The following PHF21A variants were observed in gnomAD, a reference collection of about 807,000 sequenced individuals.
PHF21A encodes PHD finger protein 21A.
A neutral mutation model predicts 82.5 loss-of-function variants in PHF21A; 11 were observed. The observed-to-expected ratio is 0.13, with a 90% CI of 0.08 to 0.22. The LOEUF (loss-of-function observed/expected upper bound fraction) is 0.22. Ranked by LOEUF, PHF21A falls within the 10% of genes least tolerant of loss-of-function variation. PHF21A has a pLI of 1.00. For synonymous variants in PHF21A, 297 were observed against 302.8 expected (o/e 0.98, Z 0.20); for missense variants, 579 against 837.8 (o/e 0.69, Z 3.81).
intron 3 of PHF21A, among the ~76,000 whole-genome samples, chr11:46,088,582 C>G (rs530898418): frequency 6.6e-6 from 1 of 152,344 alleles, no homozygotes; most frequent in East Asian, 1.9e-4. Context: ...TGTGACTACT[C>G]TCATCCCCAG....
intron 7 of PHF21A, among the ~76,000 whole-genome samples, chr11:45,979,161 C>T (rs1018514494): frequency 3.9e-5 from 6 of 152,052 alleles, no homozygotes; most frequent in Admixed American, 2.6e-4. Context: ...GGATTACAGG[C>T]GCCTGCTACC....
intron 15 of PHF21A, among the ~76,000 whole-genome samples, chr11:45,944,314 A>G (rs548522089): frequency 3.3e-5 from 5 of 152,362 alleles, no homozygotes; most frequent in African/African-American, 1.2e-4. Context: ...TTCCCCTAAA[A>G]TAAGTGTGTA....
chr11:46,089,585 G>A (rs374384809), intron 3 of PHF21A, among the ~76,000 whole-genome samples: 4 of 151,816 alleles, frequency 2.6e-5, no homozygotes, highest in South Asian at 2.1e-4. Context: ...TTTTCGAGGC[G>A]AACCCTCTGA....
intron 8 of PHF21A, 180 bp downstream of exon 8, chr11:45,970,936 A>G: frequency 1.4e-6 from 1 of 696,390 alleles, no homozygotes; most frequent in East Asian, 2.8e-5. Context: ...ACGCTTCTGT[A>G]GTGATTTGAG....
intron 15 of PHF21A, among the ~76,000 whole-genome samples, chr11:45,941,490 T>G (rs1240003187): frequency 2.0e-5 from 3 of 152,182 alleles, no homozygotes; most frequent in Non-Finnish European, 4.4e-5. Context: ...AGAATGAGAA[T>G]GAAAATGGCA....
chr11:46,041,199 C>T (rs1309843394), intron 6 of PHF21A, among the ~76,000 whole-genome samples: 2 of 152,010 alleles, frequency 1.3e-5, no homozygotes, highest in South Asian at 4.1e-4. Context: ...AAATAGTCAC[C>T]TTTTTTTGTA....
At chr11:46,010,782 G>C (rs1056893265) in intron 6 of PHF21A, among the ~76,000 whole-genome samples, 1 of 152,138 alleles carries the variant, frequency 6.6e-6, no homozygotes, top group Non-Finnish European at 1.5e-5. Flanking sequence ...AATTCACTGT[G>C]TCTCTCCCTG....
At chr11:46,064,093 C>T (rs530562934) in intron 6 of PHF21A, among the ~76,000 whole-genome samples, 29 of 152,230 alleles carry the variant, frequency 1.9e-4, no homozygotes, top group African/African-American at 6.7e-4. Context: ...TTCATTTGTG[C>T]TTCTTGACTC....
At chr11:46,065,689 C>G (rs1342529984) in intron 6 of PHF21A, among the ~76,000 whole-genome samples, 1 of 152,214 alleles carries the variant, frequency 6.6e-6, no homozygotes, top group African/African-American at 2.4e-5. Flanking sequence ...CAAAGCCTGT[C>G]AGTGACTAGC....
At position 46,072,637 on chromosome 11, in the gene PHF21A, G is replaced by A. The variant is rs1053954864; in HGVS notation, c.153+4117C>T. Among the ~76,000 whole-genome samples, 6 of 152,210 alleles carry A rather than the reference G, an allele frequency of 3.9e-5. No individual in the cohort carries two copies. The South Asian group carries it at 8.3e-4, about 21-fold the overall frequency. On this transcript the variant is annotated intron_variant, in intron 6 of 18. Coordinates refer to ENST00000676320, the MANE Select transcript of PHF21A (RefSeq NM_001352027.3). The stretch of plus-strand genomic sequence containing the variant: ...ATGTCTAAATGGAATAACTATGAAG[G>A]AAAAGTATGGTTCAATGTGAGATAA...
At chr11:45,955,263 A>T (rs749728327) in intron 10 of PHF21A, among the ~76,000 whole-genome samples, 80 of 145,204 alleles carry the variant, frequency 5.5e-4, no homozygotes, top group Non-Finnish European at 9.0e-4. Flanking sequence ...AGCGAGAATC[A>T]CTCAAGTCTT....
chr11:45,956,062 A>G (rs1010368925), intron 10 of PHF21A, among the ~76,000 whole-genome samples: 4 of 152,212 alleles, frequency 2.6e-5, no homozygotes, highest in African/African-American at 9.7e-5. Context: ...CAAGAATTCT[A>G]TATCCTGCAA....
At chr11:45,978,594 G>A (rs1456383005) in intron 7 of PHF21A, among the ~76,000 whole-genome samples, 2 of 152,200 alleles carry the variant, frequency 1.3e-5, no homozygotes, top group Non-Finnish European at 2.9e-5. Context: ...CCTGGTGTTG[G>A]TTGTAAGAGG....
intron 15 of PHF21A, among the ~76,000 whole-genome samples, chr11:45,943,993 C>CA (rs1401293258): frequency 1.3e-5 from 2 of 152,130 alleles, no homozygotes; most frequent in Non-Finnish European, 2.9e-5. Context: ...TTATGAAAGA[C>CA]AAAGACTGAG....
intron 6 of PHF21A, among the ~76,000 whole-genome samples, chr11:45,993,884 C>T (rs2094808242): frequency 1.3e-5 from 2 of 151,990 alleles, no homozygotes; most frequent in African/African-American, 4.8e-5. Context: ...CCGACAGTGC[C>T]TATCTGAGAT....
chr11:45,958,684 G>A (rs530187036), intron 10 of PHF21A, among the ~76,000 whole-genome samples: 20 of 151,920 alleles, frequency 1.3e-4, no homozygotes, highest in Non-Finnish European at 2.6e-4. Flanking sequence ...GGGAAGCCAA[G>A]GTCGGGGGAT....
intron 6 of PHF21A, among the ~76,000 whole-genome samples, chr11:46,032,501 T>A (rs1236922259): frequency 6.6e-6 from 1 of 152,184 alleles, no homozygotes; most frequent in Non-Finnish European, 1.5e-5. Flanking sequence ...TCTCCACTAT[T>A]ATTTAAAAAA....
intron 16 of PHF21A, 115 bp downstream of exon 16, chr11:45,938,042 C>G (rs2089496016): frequency 1.1e-6 from 1 of 881,904 alleles, no homozygotes; most frequent in East Asian, 2.6e-5. Flanking sequence ...AAGATGCAGC[C>G]CGGAGACGGA....
chr11:46,076,923 A>C, intron 5 of PHF21A, 104 bp from the exon 6 acceptor site: 1 of 861,272 alleles, frequency 1.2e-6, no homozygotes, highest in African/African-American at 1.7e-5. Flanking sequence ...AAGCAACCCG[A>C]AGCATTTAGC....
Sources: allele counts gnomAD v4.1 joint callset (sites outside exome capture counted in the v4.1 genomes callset), GRCh38; gene constraint gnomAD v4.1.1; transcripts MANE v1.5; gene names NCBI Gene and HGNC (gene_info 2026-07-23, HGNC 2026-07-21).